Variants in RIMS2 observed in about 807,000 individuals in gnomAD.
RIMS2 encodes regulating synaptic membrane exocytosis 2, also known as regulating synaptic membrane exocytosis protein 2.
In RIMS2, 59 loss-of-function variants were observed where a neutral mutation model predicts 174.4. The ratio of observed to expected loss-of-function variants is 0.34; its 90% confidence interval spans 0.27 to 0.42. The LOEUF (loss-of-function observed/expected upper bound fraction) is 0.42, where lower values mean the gene tolerates loss of function less well. Among genes scored for constraint, RIMS2 ranks in the 10% least tolerant of loss-of-function variants. RIMS2 has a pLI of 1.00. For synonymous variants in RIMS2, 606 were observed against 572.5 expected (o/e 1.06, Z -0.84); for missense variants, 1,620 against 1,666.3 (o/e 0.97, Z 0.48).
intron 3 of RIMS2, among the ~76,000 whole-genome samples, chr8:103,810,796 C>T (rs757349217): frequency 6.6e-6 from 1 of 152,016 alleles, no homozygotes; most frequent in Non-Finnish European, 1.5e-5. Flanking sequence ...GATCCCTCAC[C>T]GCCTTTTTTC....
At chr8:103,920,777 C>A in intron 9 of RIMS2, 2 of 444,538 alleles carry the variant, frequency 4.5e-6, no homozygotes, top group Non-Finnish European at 9.0e-6. Context: ...ATCACGAGGT[C>A]AGGAGATCGA....
At chr8:104,128,736 AAAAT>A (rs1254712719) in intron 19 of RIMS2, among the ~76,000 whole-genome samples, 1 of 152,172 alleles carries the variant, frequency 6.6e-6, no homozygotes, top group African/African-American at 2.4e-5. Flanking sequence ...CTTACGTAAC[AAAAT>A]AAATAGTAAT....
intron 3 of RIMS2, among the ~76,000 whole-genome samples, chr8:103,883,477 A>C (rs2099180560): frequency 6.6e-6 from 1 of 151,684 alleles, no homozygotes; most frequent in Admixed American, 6.6e-5. Flanking sequence ...AATTTTTTTG[A>C]ATGTTTTGTT....
intron 9 of RIMS2, chr8:103,920,867 C>G (rs1405741439): frequency 5.8e-6 from 2 of 346,598 alleles, no homozygotes; most frequent in Admixed American, 4.0e-5. Context: ...GACGTGGTGG[C>G]AGGCGCCTGT....
intron 1 of RIMS2, among the ~76,000 whole-genome samples, chr8:103,657,852 A>C (rs956462396): frequency 6.6e-6 from 1 of 152,162 alleles, no homozygotes; most frequent in African/African-American, 2.4e-5. Context: ...GGTTTAGGTG[A>C]GCACAAAGTT....
At chr8:104,155,712 T>C (rs1223483386) in intron 19 of RIMS2, among the ~76,000 whole-genome samples, 3 of 152,012 alleles carry the variant, frequency 2.0e-5, no homozygotes, top group African/African-American at 7.2e-5. Flanking sequence ...TGCGCCGGCC[T>C]TGGGGGTGTT....
At chr8:103,584,163 C>G (rs1459495775) in intron 1 of RIMS2, among the ~76,000 whole-genome samples, 1 of 152,166 alleles carries the variant, frequency 6.6e-6, no homozygotes, top group East Asian at 1.9e-4. Context: ...GGAAATTTTA[C>G]AGGCCAGGAG....
chr8:103,991,931 T>C (rs923214710), intron 17 of RIMS2, among the ~76,000 whole-genome samples: 6 of 152,170 alleles, frequency 3.9e-5, no homozygotes, highest in Admixed American at 1.3e-4. Context: ...CTTTATTGAG[T>C]TGTGTAGATT....
chr8:103,602,970 GTTAT>G lies in RIMS2; in HGVS notation c.177-94113_177-94110del, dbSNP rs950561815. ...TTTCTTAGCAGCCTTGCTAGCATCTGTTATTTTTTGACTTTTTTATTTTTATTTT... is the reference window on the plus strand; with the variant it reads ...TTTCTTAGCAGCCTTGCTAGCATCTGTTTTTGACTTTTTTATTTTTATTTT... On this transcript the variant is annotated intron_variant, in intron 1 of 23. Transcript: ENST00000504942. Among the ~76,000 whole-genome samples, 29 of 151,912 alleles carry G rather than the reference GTTAT, an allele frequency of 1.9e-4. 1 individual carries two copies. The highest frequency in any genetic ancestry group is 6.5e-4 in the African/African-American group (27 of 41,392).
In RIMS2 at chr8:103,798,299, G is replaced by T. The variant is rs182659313; in HGVS notation, c.698+31762G>T. Among the ~76,000 whole-genome samples, 68 of 152,078 alleles carry T rather than the reference G, an allele frequency of 4.5e-4. 1 individual carries two copies. Among genetic ancestry groups the T allele is most frequent in the Admixed American group, 4.5e-3 (68 of 15,264 alleles). On this transcript the variant is annotated intron_variant, in intron 3 of 23. Transcript: ENST00000504942. ...AGTAGTCAGATAATTGACTACTTTT[G>T]TACATTAACAAATTTAAATGATGGA...
chr8:103,992,561 A>G (rs1305798762), intron 17 of RIMS2, among the ~76,000 whole-genome samples: 1 of 152,162 alleles, frequency 6.6e-6, no homozygotes, highest in African/African-American at 2.4e-5. Context: ...ATAATGAGTG[A>G]GAAAAGATGC....
intron 19 of RIMS2, among the ~76,000 whole-genome samples, chr8:104,162,872 C>T (rs1205640691): frequency 6.6e-6 from 1 of 152,088 alleles, no homozygotes; most frequent in Non-Finnish European, 1.5e-5. Flanking sequence ...AGAGTATAAA[C>T]AGAAATGCAA....
chr8:103,616,519 G>T (rs187159392), intron 1 of RIMS2, among the ~76,000 whole-genome samples: 1 of 152,158 alleles, frequency 6.6e-6, no homozygotes, highest in Non-Finnish European at 1.5e-5. Flanking sequence ...GTCCTAGCCA[G>T]AGCAGTCAGG....
At chr8:103,814,353 A>G (rs1443898077) in intron 3 of RIMS2, among the ~76,000 whole-genome samples, 4 of 152,018 alleles carry the variant, frequency 2.6e-5, no homozygotes, top group Admixed American at 1.3e-4. Flanking sequence ...GAAAACCTCC[A>G]TGACACAAAT....
At chr8:104,213,466 A>G (rs139767478) in intron 19 of RIMS2, among the ~76,000 whole-genome samples, 1,597 of 152,296 alleles carry the variant, frequency 0.01, 14 homozygotes, top group Middle Eastern at 0.017. Context: ...TACTCATTAC[A>G]TTGTCAACTT....
chr8:103,682,198 T>G (rs1025350720), intron 1 of RIMS2, among the ~76,000 whole-genome samples: 1 of 152,042 alleles, frequency 6.6e-6, no homozygotes, highest in Non-Finnish European at 1.5e-5. Context: ...AGAGGAAAAG[T>G]CTGAACTAGA....
At chr8:104,015,009 G>C (rs934994823) in intron 19 of RIMS2, among the ~76,000 whole-genome samples, 1 of 152,056 alleles carries the variant, frequency 6.6e-6, no homozygotes, top group African/African-American at 2.4e-5. Context: ...GATGCACAAT[G>C]GTGATCCTTC....
At chr8:104,169,438 A>G (rs921287308) in intron 19 of RIMS2, among the ~76,000 whole-genome samples, 4 of 150,976 alleles carry the variant, frequency 2.6e-5, no homozygotes, top group Admixed American at 2.6e-4. Flanking sequence ...GAATTTACCC[A>G]TCTCCTCCAG....
At position 103,611,574 on chromosome 8, in the gene RIMS2, T is replaced by G. The variant is rs146321109; in HGVS notation, c.177-85512T>G. ...CAGATGTAGTATTTTAGGGTAAACG[T>G]TTTTTCCTTTAGCTATTTAAATATG... On this transcript the variant is annotated intron_variant, in intron 1 of 23. Transcript: ENST00000504942. Among the ~76,000 whole-genome samples the G allele has an allele frequency of 2.8e-3, 431 of 151,936 alleles. 1 individual carries two copies. The highest frequency in any genetic ancestry group is 0.01 in the Middle Eastern group (3 of 294).
Sources: allele counts gnomAD v4.1 joint callset (sites outside exome capture counted in the v4.1 genomes callset), GRCh38; gene constraint gnomAD v4.1.1; transcripts MANE v1.5; gene names NCBI Gene and HGNC (gene_info 2026-07-23, HGNC 2026-07-21).